The following CFAP47 variants were observed in gnomAD, a reference collection of about 807,000 sequenced individuals.
The protein encoded by CFAP47 is cilia and flagella associated protein 47, also known as cilia- and flagella-associated protein 47.
A neutral mutation model predicts 148.1 loss-of-function variants in CFAP47; 29 were observed. The ratio of observed to expected loss-of-function variants is 0.20; its 90% CI spans 0.15 to 0.27. CFAP47 has a LOEUF of 0.27. Ranked by LOEUF, CFAP47 falls within the 10% of genes least tolerant of loss-of-function variation. The pLI is 1.00. For synonymous variants in CFAP47, 664 were observed against 577.3 expected, an observed-to-expected ratio of 1.15 and a Z score of -2.15; for missense variants, 1,872 against 1,697.5, an observed-to-expected ratio of 1.10 and a Z score of -1.81.
At chrX:35,929,921 C>G (rs1469569101) in intron 2 of CFAP47, among the ~76,000 whole-genome samples, 1 of 110,956 alleles carries the variant, frequency 9.0e-6, no homozygotes, top group Non-Finnish European at 1.9e-5. Flanking sequence ...ATCACCTGAG[C>G]CTGGGAGGTG....
rs1936410808 is a variant in CFAP47, at chrX:35,966,602, T to G, written c.1448T>G (p.Val483Gly). The G allele has an allele frequency of 1.8e-6, 2 of 1,118,632 alleles. No homozygotes were observed. Among genetic ancestry groups the G allele is most frequent in the African/African-American group, 3.7e-5 (2 of 54,157 alleles). 92.2% of individuals were successfully genotyped at this position (1,118,632 alleles called of 1,213,427 possible). ...MCSFVPHQLGVFKVKQMIEII... is the reference protein window; with the variant it reads ...MCSFVPHQLGGFKVKQMIEII... ...TCATTTGTTCCACATCAACTTGGAGTCTTCAAAGTGAAGCAGATGATAGAG... is the reference window on the plus strand; with the variant it reads ...TCATTTGTTCCACATCAACTTGGAGGCTTCAAAGTGAAGCAGATGATAGAG... The change falls in exon 9 of 64, where the codon GTC (valine) becomes GGC (glycine). Residue 483 changes from valine to glycine, a missense_variant. Physicochemically the swap from Val to Gly is moderately radical, Grantham distance 109 (BLOSUM62 -3). Transcript: ENST00000378653.
intron 22 of CFAP47, among the ~76,000 whole-genome samples, chrX:36,026,743 A>G (rs992749766): frequency 2.7e-5 from 3 of 110,572 alleles, no homozygotes; most frequent in African/African-American, 9.9e-5. Flanking sequence ...GTCCACTGTG[A>G]ACACCATTTC....
intron 39 of CFAP47, among the ~76,000 whole-genome samples, chrX:36,174,600 C>CT (rs1232699369): frequency 1.1e-5 from 1 of 90,163 alleles, no homozygotes; most frequent in Non-Finnish European, 2.3e-5. Context: ...GTTGAAAATT[C>CT]TTTTCTTTAA....
At chrX:36,174,289 A>G (rs1569280252) in intron 39 of CFAP47, among the ~76,000 whole-genome samples, 1 of 110,745 alleles carries the variant, frequency 9.0e-6, no homozygotes, top group Non-Finnish European at 1.9e-5. Context: ...TGGAGCATAC[A>G]GTCCATTTAC....
chrX:35,996,975 A>T (rs1448274064), intron 18 of CFAP47, among the ~76,000 whole-genome samples: 1 of 111,687 alleles, frequency 9.0e-6, no homozygotes, highest in Non-Finnish European at 1.9e-5. Context: ...GTTGTTTTTT[A>T]AAAATTTTGA....
At chrX:36,234,749 T>A (rs1167487615) in intron 46 of CFAP47, among the ~76,000 whole-genome samples, 10 of 111,689 alleles carry the variant, frequency 9.0e-5, no homozygotes, top group Non-Finnish European at 1.5e-4. Context: ...TGTGGTTTTA[T>A]CTACTTTTGG....
intron 29 of CFAP47, among the ~76,000 whole-genome samples, chrX:36,080,287 T>C (rs770553538): frequency 2.7e-5 from 3 of 111,382 alleles, no homozygotes; most frequent in Non-Finnish European, 5.7e-5. Context: ...AACGAGGTAC[T>C]GGAGAGGATG....
chrX:36,167,009 T>C (rs1939499152), intron 39 of CFAP47, among the ~76,000 whole-genome samples: 1 of 111,579 alleles, frequency 9.0e-6, no homozygotes, highest in Non-Finnish European at 1.9e-5. Flanking sequence ...GCTAATTCAG[T>C]CAACTTCAGA....
At chrX:36,019,113 A>C (rs1937129754) in intron 22 of CFAP47, among the ~76,000 whole-genome samples, 1 of 111,653 alleles carries the variant, frequency 9.0e-6, no homozygotes, top group African/African-American at 3.3e-5. Flanking sequence ...TGTCCCTTGC[A>C]GACCCCTGAC....
chrX:36,296,153 A>G (rs1364443769), intron 51 of CFAP47, among the ~76,000 whole-genome samples: 2 of 111,729 alleles, frequency 1.8e-5, no homozygotes, highest in Non-Finnish European at 3.8e-5. Context: ...CAAGGATGCC[A>G]AGGAGGAGCT....
At chrX:36,255,820 A>G (rs1555998925) in intron 49 of CFAP47, among the ~76,000 whole-genome samples, 1 of 111,708 alleles carries the variant, frequency 9.0e-6, no homozygotes, top group East Asian at 2.8e-4. Flanking sequence ...GGGTAAGTTT[A>G]CTGCTTAGGA....
intron 57 of CFAP47, among the ~76,000 whole-genome samples, chrX:36,334,348 G>A (rs782656337): frequency 9.0e-6 from 1 of 111,286 alleles, no homozygotes; most frequent in Admixed American, 9.6e-5. Context: ...CTTTTCTTTA[G>A]GTCTGTATAT....
intron 13 of CFAP47, among the ~76,000 whole-genome samples, chrX:35,974,819 TG>T (rs1020853003): frequency 3.6e-5 from 4 of 111,089 alleles, no homozygotes; most frequent in African/African-American, 1.3e-4. Context: ...ACAAAATACT[TG>T]TACTAGTGGG....
intron 62 of CFAP47, among the ~76,000 whole-genome samples, chrX:36,371,684 GTGTGTATATACACACA>G (rs1345662584): frequency 2.8e-5 from 2 of 70,268 alleles, no homozygotes; most frequent in African/African-American, 6.4e-5. Flanking sequence ...GTGTATATAT[GTGTGTATATACACACA>G]TGTGTATATA....
At chrX:36,206,689 C>T (rs1357340154) in intron 45 of CFAP47, among the ~76,000 whole-genome samples, 33 of 111,749 alleles carry the variant, frequency 3.0e-4, no homozygotes, top group African/African-American at 1.0e-3. Context: ...ATTAAACACT[C>T]ATGAAGACTG....
chrX:36,059,712 G>A (rs1427315014), intron 26 of CFAP47, among the ~76,000 whole-genome samples: 2 of 111,943 alleles, frequency 1.8e-5, no homozygotes, highest in Non-Finnish European at 1.9e-5. Flanking sequence ...TTAATAATGT[G>A]TATATCTGTG....
chrX:36,316,944 C>T (rs1177014263), intron 56 of CFAP47, among the ~76,000 whole-genome samples: 1 of 111,537 alleles, frequency 9.0e-6, no homozygotes, highest in Non-Finnish European at 1.9e-5. Flanking sequence ...TGCCAGCATG[C>T]CCAGCTAATT....
chrX:36,231,764 C>A (rs1392022133), intron 46 of CFAP47, among the ~76,000 whole-genome samples: 4 of 111,081 alleles, frequency 3.6e-5, no homozygotes, highest in Non-Finnish European at 7.5e-5. Context: ...ATAGATAGCT[C>A]TTATTATTTT....
rs531784634 is a variant in CFAP47, at chrX:35,919,912, T to C, written c.113T>C (p.Met38Thr). The C allele has an allele frequency of 1.2e-5, 14 of 1,208,862 alleles. No individual in the cohort carries two copies. In the East Asian group the frequency reaches 2.1e-4, roughly 18 times the overall value. ...GATATGGATAGCTCGGGTAGAGACA[T>C]GCAGCTGCGGGTGATCCCGGCTGAG... ...PRDMDSSGRD[M>T]QLRVIPAEVK... The change falls in exon 1 of 64, where the codon ATG (methionine) becomes ACG (threonine). Residue 38 changes from methionine (M) to threonine (T), a missense_variant. Physicochemically the swap from Met to Thr is moderately conservative, Grantham distance 81 (BLOSUM62 -1). Transcript: ENST00000378653.
Sources: allele counts gnomAD v4.1 joint callset (sites outside exome capture counted in the v4.1 genomes callset), GRCh38; gene constraint gnomAD v4.1.1; transcripts MANE v1.5; gene names NCBI Gene and HGNC (gene_info 2026-07-23, HGNC 2026-07-21).